Variants in DUS1L observed in about 807,000 individuals in gnomAD.
DUS1L encodes dihydrouridine synthase 1 like, also known as tRNA-dihydrouridine(16/17) synthase [NAD(P)(+)]-like.
A neutral mutation model predicts 61.2 loss-of-function variants in DUS1L; 56 were observed. The ratio of observed to expected loss-of-function variants is 0.92; its 90% confidence interval spans 0.74 to 1.14. DUS1L has a LOEUF of 1.14. DUS1L is among the 50% of genes most tolerant of loss of function. The pLI, the probability that DUS1L is intolerant of heterozygous loss-of-function variation, is 0.00. For missense variants in DUS1L, 630 were observed against 632.4 expected, an observed-to-expected ratio of 1.00 and a Z score of 0.04; for synonymous variants, 278 against 259.5, an observed-to-expected ratio of 1.07 and a Z score of -0.69.
intron 8 of DUS1L, 122 bp downstream of exon 8, chr17:82,061,087 C>A: frequency 6.5e-7 from 1 of 1,534,758 alleles, no homozygotes; most frequent in Non-Finnish European, 8.8e-7. Flanking sequence ...CACCCCAGCC[C>A]CTCAAGACCT....
In DUS1L at chr17:82,060,777, T is replaced by C; in HGVS notation, c.946A>G (p.Ile316Val). Residue 316 changes from isoleucine (I) to valine (V), a missense_variant, in exon 10 of 14, where the codon ATA becomes GTA. Physicochemically the swap from Ile to Val is conservative, Grantham distance 29. Coordinates refer to ENST00000306796, the MANE Select transcript of DUS1L (RefSeq NM_022156.5). ...QELKLRCQEE[I>V]SRQEGAKPTG... ...GGCTTCGCTCCCTCCTGCCTGGATA[T>C]CTCCTCCTGCAAAAGCCCAAGGCCC... 1 of 1,612,332 alleles carries C rather than the reference T, an allele frequency of 6.2e-7. No individual in the cohort carries two copies. The highest frequency in any genetic ancestry group is 8.5e-7 in the Non-Finnish European group (1 of 1,179,648).
rs574556159 is a variant in DUS1L at position 82,060,519 on chromosome 17, C to A, written c.1022+182G>T. 3 of 719,426 alleles carry A rather than the reference C, an allele frequency of 4.2e-6. No individual in the cohort carries two copies. The East Asian group carries it at 8.2e-5, about 20-fold the overall frequency. 44.6% of individuals were successfully genotyped at this position (719,426 alleles called of 1,614,324 possible). On this transcript the variant is annotated intron_variant, in intron 10 of 13. Transcript: ENST00000306796. ...AGCCACCAGCATCCTCCACCAAGGA[C>A]ACCGAGGGGCACGTGGAAGGTGTGT...
intron 11 of DUS1L, 53 bp downstream of exon 11, chr17:82,059,895 G>A (rs1243966733): frequency 2.4e-5 from 38 of 1,608,604 alleles, no homozygotes; most frequent in Non-Finnish European, 1.7e-6. Context: ...CAACAGGGAG[G>A]ATGGGGGTGA....
intron 5 of DUS1L, 84 bp from the exon 6 acceptor site, chr17:82,062,067 C>T: frequency 8.1e-7 from 1 of 1,239,626 alleles, no homozygotes; most frequent in African/African-American, 1.5e-5. Flanking sequence ...CCCCCTCTGC[C>T]CCTACTCCAC....
rs770981128 is a variant in DUS1L, at chr17:82,058,371, G to C, written c.1252C>G (p.Arg418Gly). The C allele has an allele frequency of 6.7e-7, 1 of 1,488,034 alleles. No homozygotes were observed. The highest frequency in any genetic ancestry group is 9.0e-7 in the Non-Finnish European group (1 of 1,116,328). The allele number at this position is 1,488,034 out of a possible 1,614,324, so 92.2% of individuals were successfully genotyped here. A position where few individuals can be genotyped will look rare whatever the true frequency, so the allele number is the denominator to read the frequency against. Residue 418 changes from arginine to glycine, a missense_variant, in exon 13 of 14, where the codon CGA (arginine) becomes GGA (glycine). Physicochemically the swap from Arg to Gly is moderately radical, Grantham distance 125. Transcript: ENST00000306796. ...CAGTCTGCAGTCTCTTTGGAGGCTCGCTTCTTGCAGCAGCCGCGGCACAGG... is the reference window on the plus strand; with the variant it reads ...CAGTCTGCAGTCTCTTTGGAGGCTCCCTTCTTGCAGCAGCCGCGGCACAGG... ...FSLCRGCCKK[R>G]ASKETADCPG...
In DUS1L at chr17:82,061,946, C is replaced by T; in HGVS notation, c.548G>A (p.Gly183Glu). The change falls in exon 6 of 14, where the codon GGG becomes GAG. Residue 183 changes from glycine to glutamate, a missense_variant. By Grantham distance (98) the Gly-to-Glu change is moderately conservative (BLOSUM62 -2). Coordinates refer to ENST00000306796, the MANE Select transcript of DUS1L (RefSeq NM_022156.5). ...CCAGGACGCTGCACCCGACAGGGGCCCCTTCTGCTCCTTGGTGCGTCCGTG... is the reference window on the plus strand; with the variant it reads ...CCAGGACGCTGCACCCGACAGGGGCTCCTTCTGCTCCTTGGTGCGTCCGTG... ...TVHGRTKEQK[G>E]PLSGAASWEH... 1.9e-6 allele frequency: 3 copies of T among 1,610,734 alleles called. No individual in the cohort carries two copies. Among genetic ancestry groups the T allele is most frequent in the Non-Finnish European group, 1.7e-6 (2 of 1,178,810 alleles).
At position 82,064,193 on chromosome 17, in the gene DUS1L, G is replaced by A; in HGVS notation, c.279C>T (p.Leu93=). The A allele has an allele frequency of 6.2e-7, 1 of 1,612,726 alleles. No individual in the cohort carries two copies. The highest frequency in any genetic ancestry group is 1.3e-5 in the African/African-American group (1 of 75,040). ...TGGCGTCACAGTAATCCTGAGCCAG[G>A]AGAGCCGCCTGAACAAACACCTCCG... is the stretch of plus-strand genomic sequence containing the variant. ...NDPEVFVQAA[L]LAQDYCDAID... Residue 93 remains leucine, a synonymous_variant, in exon 3 of 14, where the codon CTC becomes CTT. Transcript: ENST00000306796.
rs1042934868 is a variant in DUS1L, at chr17:82,064,312, T to C, written c.238-78A>G. The C allele has an allele frequency of 3.2e-5, 40 of 1,250,656 alleles. No homozygotes were observed. The African/African-American group carries it at 5.0e-4, about 16-fold the overall frequency. 77.5% of individuals were successfully genotyped at this position (1,250,656 alleles called of 1,614,324 possible). A position where few individuals can be genotyped will look rare whatever the true frequency, so the allele number is the denominator to read the frequency against. On this transcript the variant is annotated intron_variant, in intron 2 of 13. Coordinates refer to ENST00000306796, the MANE Select transcript of DUS1L (RefSeq NM_022156.5). Reference sequence around the variant, plus strand: ...CTGCCCAGCCCTACGAGAGGTCCAGTGTGACCCCATGAGGGTGTGGGCCCA... The same window carrying C: ...CTGCCCAGCCCTACGAGAGGTCCAGCGTGACCCCATGAGGGTGTGGGCCCA...
Position 82,058,200 on chromosome 17 carries a change from G to A in DUS1L, c.1337C>T (p.Ala446Val), listed in dbSNP as rs2033159601. The A allele has an allele frequency of 1.9e-6, 3 of 1,600,708 alleles. No individual in the cohort carries two copies. The highest frequency in any genetic ancestry group is 1.1e-5 in the South Asian group (1 of 90,366). ...KLEKSLAWKE[A>V]QPELQEPQPA... ...CTGAGGCTCCTGCAGCTCAGGCTGG[G>A]CCTCTTTCCAGGCCAGAGACTTCTC... The change falls in exon 14 of 14, where the codon GCC (alanine) becomes GTC (valine). Residue 446 changes from alanine (A) to valine (V), a missense_variant. Transcript: ENST00000306796.
intron 6 of DUS1L, 24 bp from the exon 7 acceptor site, chr17:82,061,745 T>G: frequency 6.2e-7 from 1 of 1,611,612 alleles, no homozygotes; most frequent in Non-Finnish European, 8.5e-7. Context: ...AATGCCTGTT[T>G]CCACCCGCCC....
chr17:82,060,866 T>A lies in DUS1L; in HGVS notation c.938A>T (p.Gln313Leu), dbSNP rs2033456689. Reference sequence around the variant, plus strand: ...GCTCCCACCAGCCCCAGCACCTGCCTGACACCGCAGCTTCAGCTCCTGGCT... The same window carrying A: ...GCTCCCACCAGCCCCAGCACCTGCCAGACACCGCAGCTTCAGCTCCTGGCT... ...AVSQELKLRC[Q>L]EEISRQEGAK... The change falls in exon 9 of 14, where the codon CAG becomes CTG. Residue 313 changes from glutamine to leucine, a missense_variant and splice_region_variant. Coordinates refer to ENST00000306796, the MANE Select transcript of DUS1L (RefSeq NM_022156.5). 6.2e-7 allele frequency: 1 copy of A among 1,611,924 alleles called. No individual in the cohort carries two copies. The highest frequency in any genetic ancestry group is 1.1e-5 in the South Asian group (1 of 91,028).
rs547170654 is a variant in DUS1L, at chr17:82,064,884, T to C, written c.176A>G (p.Asn59Ser). ...GCAGTACAGGTTCTCCTTCCGGTAG[T>C]TGGCGTCGCGGACAAAGACCTGGGC... Reference protein sequence around the residue: ...LHAQVFVRDANYRKENLYCEV... With the variant: ...LHAQVFVRDASYRKENLYCEV... The change falls in exon 2 of 14, where the codon AAC becomes AGC. Residue 59 changes from asparagine (N) to serine (S), a missense_variant. Physicochemically the swap from Asn to Ser is conservative, Grantham distance 46. Coordinates refer to ENST00000306796, the MANE Select transcript of DUS1L (RefSeq NM_022156.5). The C allele has an allele frequency of 2.7e-5, 43 of 1,612,690 alleles. No individual in the cohort carries two copies. The highest frequency in any genetic ancestry group is 6.7e-5 in the East Asian group (3 of 44,882).
intron 10 of DUS1L, chr17:82,060,480 G>A (rs566925232): frequency 3.3e-6 from 2 of 606,166 alleles, no homozygotes; most frequent in Admixed American, 3.0e-5. Flanking sequence ...GTCCACTGAG[G>A]GAGGACACAG....
At position 82,060,074 on chromosome 17, in the gene DUS1L, C is replaced by T. The variant is rs1396353505; in HGVS notation, c.1042G>A (p.Glu348Lys). The T allele has an allele frequency of 1.2e-6, 2 of 1,604,412 alleles. No homozygotes were observed. Among genetic ancestry groups the T allele is most frequent in the African/African-American group, 1.5e-5 (1 of 67,014 alleles). ...IRPGPREGSKEKAGARSKRAL... is the reference protein window; with the variant it reads ...IRPGPREGSKKKAGARSKRAL... The stretch of plus-strand genomic sequence containing the variant: ...CGCTTGCTGCGCGCACCTGCCTTCT[C>T]CTTGCTCCCCTCCCTGGGCCTGAGG... The change falls in exon 11 of 14, where the codon GAG (glutamate) becomes AAG (lysine). Residue 348 changes from glutamate (E) to lysine (K), a missense_variant. By Grantham distance (56) the Glu-to-Lys change is moderately conservative. Coordinates refer to ENST00000306796, the MANE Select transcript of DUS1L (RefSeq NM_022156.5).
chr17:82,061,011 G>C, intron 8 of DUS1L, 50 bp from the exon 9 acceptor site: 1 of 1,587,332 alleles, frequency 6.3e-7, no homozygotes, highest in Non-Finnish European at 8.5e-7. Context: ...TCCACCGTCA[G>C]GCCCCAGGCT....
rs781526682 is a variant in DUS1L, at chr17:82,060,712, G to A, written c.1011C>T (p.Tyr337=). Reference sequence around the variant, plus strand: ...GGCTGGGCTCTCACCCCGGCCGGATGTAGGGCTGGCAGATCCAGTGGAAGG... The same window carrying A: ...GGCTGGGCTCTCACCCCGGCCGGATATAGGGCTGGCAGATCCAGTGGAAGG... The part of the protein sequence containing the change: ...DLPFHWICQP[Y]IRPGPREGSK... Residue 337 remains tyrosine, a synonymous_variant, in exon 10 of 14, where the codon TAC becomes TAT. Coordinates refer to ENST00000306796, the MANE Select transcript of DUS1L (RefSeq NM_022156.5). 6.2e-7 allele frequency: 1 copy of A among 1,612,870 alleles called. No individual in the cohort carries two copies.
In DUS1L at chr17:82,064,874, C is replaced by T; in HGVS notation, c.186G>A (p.Lys62=). 1.2e-6 allele frequency: 2 copies of T among 1,612,654 alleles called. No individual in the cohort carries two copies. The highest frequency in any genetic ancestry group is 1.7e-6 in the Non-Finnish European group (2 of 1,179,878). Residue 62 remains lysine (K), a synonymous_variant, in exon 2 of 14, where the codon AAG becomes AAA. Coordinates refer to ENST00000306796, the MANE Select transcript of DUS1L (RefSeq NM_022156.5). The part of the protein sequence containing the change: ...QVFVRDANYR[K]ENLYCEVCPE... ...GGCACACCTCGCAGTACAGGTTCTCCTTCCGGTAGTTGGCGTCGCGGACAA... is the reference window on the plus strand; with the variant it reads ...GGCACACCTCGCAGTACAGGTTCTCTTTCCGGTAGTTGGCGTCGCGGACAA...
At chr17:82,064,591 T>C (rs1339416813) in intron 2 of DUS1L, among the ~76,000 whole-genome samples, 1 of 152,142 alleles carries the variant, frequency 6.6e-6, no homozygotes, top group Non-Finnish European at 1.5e-5. Flanking sequence ...TCCTAGAGAA[T>C]GGGGTTGGAT....
intron 7 of DUS1L, 55 bp downstream of exon 7, chr17:82,061,563 G>C: frequency 1.9e-6 from 3 of 1,555,588 alleles, no homozygotes; most frequent in Non-Finnish European, 2.6e-6. Context: ...CGACCTGGGC[G>C]GTGGTATCAG....
Sources: allele counts gnomAD v4.1 joint callset (sites outside exome capture counted in the v4.1 genomes callset), GRCh38; gene constraint gnomAD v4.1.1; transcripts MANE v1.5; gene names NCBI Gene and HGNC (gene_info 2026-07-23, HGNC 2026-07-21).